Variants in ARHGEF37 observed in about 807,000 individuals in gnomAD.
The protein encoded by ARHGEF37 is Rho guanine nucleotide exchange factor (GEF) 37.
Under a neutral mutation model 71.1 loss-of-function variants are expected in ARHGEF37, and 55 were observed. The ratio of observed to expected loss-of-function variants is 0.77; its 90% CI spans 0.62 to 0.97. ARHGEF37 has a LOEUF of 0.97. Ranked by LOEUF, ARHGEF37 falls within the 50% of genes least tolerant of loss-of-function variation. The pLI, the probability that ARHGEF37 is intolerant of heterozygous loss-of-function variation, is 0.00. For missense variants in ARHGEF37, 765 were observed against 836.8 expected (o/e 0.91, Z 1.06); for synonymous variants, 327 against 350.6 (o/e 0.93, Z 0.75).
In ARHGEF37 at chr5:149,624,135, A is replaced by G; in HGVS notation, c.1459A>G (p.Thr487Ala). The G allele has an allele frequency of 6.2e-7, 1 of 1,607,532 alleles. No individual in the cohort carries two copies. Among genetic ancestry groups the G allele is most frequent in the South Asian group, 1.1e-5 (1 of 90,706 alleles). Residue 487 changes from threonine (T) to alanine (A), a missense_variant, in exon 10 of 13, where the codon ACA (threonine) becomes GCA (alanine). Physicochemically the swap from Thr to Ala is moderately conservative, Grantham distance 58 (BLOSUM62 0). This residue lies in a region of ARHGEF37 where 390 missense variants were observed against 407.4 expected (regional missense o/e 0.96). Transcript: ENST00000333677. ...TGAGAAAGTGCAGCCACCTCCCACCACACAAGTAAGCATCCTTCCTCCACC... is the reference window on the plus strand; with the variant it reads ...TGAGAAAGTGCAGCCACCTCCCACCGCACAAGTAAGCATCCTTCCTCCACC... Reference protein sequence around the residue: ...TFEKVQPPPTTQPLLPGSERQ... With the variant: ...TFEKVQPPPTAQPLLPGSERQ...
At chr5:149,606,312 G>C (rs899736024) in intron 3 of ARHGEF37, among the ~76,000 whole-genome samples, 8 of 152,186 alleles carry the variant, frequency 5.3e-5, no homozygotes, top group African/African-American at 1.9e-4. Context: ...TGGCTCTAGG[G>C]GCTTCTCCTG....
chr5:149,618,437 GA>G, intron 6 of ARHGEF37, 131 bp downstream of exon 6: 9 of 1,394,856 alleles, frequency 6.5e-6, no homozygotes, highest in Non-Finnish European at 8.7e-6. Context: ...GAGGTGCTGG[GA>G]AGAGGCAGAG....
chr5:149,574,739 T>TTG (rs1763007386), intron 1 of ARHGEF37, among the ~76,000 whole-genome samples: 1 of 152,218 alleles, frequency 6.6e-6, no homozygotes, highest in South Asian at 2.1e-4. Context: ...ATCGTCCACC[T>TTG]GACTATCCAA....
upstream of ARHGEF37, among the ~76,000 whole-genome samples, chr5:149,551,791 G>A (rs1762672397): frequency 6.6e-6 from 1 of 152,236 alleles, no homozygotes; most frequent in African/African-American, 2.4e-5. Context: ...GTATTGACCT[G>A]TGCTCTTTGA....
At chr5:149,629,110 GC>G in intron 12 of ARHGEF37, 144 bp downstream of exon 12, 1 of 1,120,660 alleles carries the variant, frequency 8.9e-7, no homozygotes, top group Non-Finnish European at 1.2e-6. Flanking sequence ...CAATGGCCAT[GC>G]CAGTGTCCCA....
At chr5:149,615,740 A>G (rs1752358615) in intron 4 of ARHGEF37, among the ~76,000 whole-genome samples, 1 of 152,050 alleles carries the variant, frequency 6.6e-6, no homozygotes, top group African/African-American at 2.4e-5. Flanking sequence ...AAATAAAAAA[A>G]AATCAGCTGG....
intron 3 of ARHGEF37, among the ~76,000 whole-genome samples, chr5:149,605,862 C>A (rs1763900262): frequency 6.6e-6 from 1 of 152,178 alleles, no homozygotes; most frequent in Non-Finnish European, 1.5e-5. Context: ...TCTTCTAGAG[C>A]CCTAGGTCTT....
chr5:149,598,765 GAT>G (rs70973532), intron 2 of ARHGEF37, among the ~76,000 whole-genome samples: 1 of 140,228 alleles, frequency 7.1e-6, no homozygotes, highest in Admixed American at 7.0e-5. Context: ...TATAGATATA[GAT>G]ATAGATATAG....
intron 3 of ARHGEF37, among the ~76,000 whole-genome samples, chr5:149,605,446 A>G (rs1301914777): frequency 6.6e-6 from 1 of 152,184 alleles, no homozygotes; most frequent in African/African-American, 2.4e-5. Context: ...TTTGAAATCC[A>G]GTATCTTTTA....
intron 12 of ARHGEF37, among the ~76,000 whole-genome samples, chr5:149,631,123 TC>T (rs1752866562): frequency 6.6e-6 from 1 of 150,664 alleles, no homozygotes; most frequent in Non-Finnish European, 1.5e-5. Context: ...TATTTTTCTT[TC>T]TTTCTTTCTT....
Position 149,621,744 on chromosome 5 carries a change from A to C in ARHGEF37, c.1017A>C (p.Leu339=). The stretch of plus-strand genomic sequence containing the variant: ...ATGTCTCCCCACAGAAGCAACGGCT[A>C]GAAGGCCTGGTGTGGCAGCCACTGT... ...LEAFLKFKQR[L]EGLVWQPLCS... The change falls in exon 9 of 13, where the codon CTA becomes CTC. Residue 339 remains leucine, a synonymous_variant. Transcript: ENST00000333677. The C allele has an allele frequency of 6.2e-7, 1 of 1,611,438 alleles. No homozygotes were observed. The highest frequency in any genetic ancestry group is 8.5e-7 in the Non-Finnish European group (1 of 1,178,158).
At chr5:149,569,999 T>C (rs557100256) in intron 1 of ARHGEF37, among the ~76,000 whole-genome samples, 4 of 152,190 alleles carry the variant, frequency 2.6e-5, no homozygotes, top group Non-Finnish European at 5.9e-5. Context: ...GTTTTTAGTA[T>C]TTTTCATGTT....
chr5:149,591,242 G>C (rs1390514577), intron 1 of ARHGEF37, among the ~76,000 whole-genome samples: 1 of 145,026 alleles, frequency 6.9e-6, no homozygotes, highest in Non-Finnish European at 1.5e-5. Flanking sequence ...AAAAAAAAAA[G>C]TTGAATGTTC....
At chr5:149,630,615 C>G (rs11958474) in intron 12 of ARHGEF37, among the ~76,000 whole-genome samples, 12,108 of 152,180 alleles carry the variant, frequency 0.08, 498 homozygotes, top group South Asian at 0.11. Context: ...CAGAGCCCCA[C>G]GGGAGGGCCT....
chr5:149,616,540 C>T (rs1326366385), intron 4 of ARHGEF37, 27 bp from the exon 5 acceptor site: 2 of 1,576,068 alleles, frequency 1.3e-6, no homozygotes, highest in Admixed American at 1.7e-5. Flanking sequence ...TGGGATTTAC[C>T]TGCCTAATAC....
At chr5:149,630,604 C>G (rs1222777049) in intron 12 of ARHGEF37, among the ~76,000 whole-genome samples, 1 of 152,202 alleles carries the variant, frequency 6.6e-6, no homozygotes, top group African/African-American at 2.4e-5. Context: ...AAAGCACCCA[C>G]CAGAGCCCCA....
Position 149,597,858 on chromosome 5 carries a change from A to C in ARHGEF37, c.89A>C (p.His30Pro). The C allele has an allele frequency of 6.2e-7, 1 of 1,610,362 alleles. No homozygotes were observed. Among genetic ancestry groups the C allele is most frequent in the South Asian group, 1.1e-5 (1 of 90,214 alleles). Residue 30 changes from histidine (H) to proline (P), a missense_variant, in exon 2 of 13, where the codon CAT becomes CCT. Around this residue, in one of 5 missense-constraint regions of ARHGEF37, gnomAD observed 201 missense variants for 217.5 expected, o/e 0.92. Transcript: ENST00000333677. The stretch of plus-strand genomic sequence containing the variant: ...GCCTCTGAGGACAGATCGCTGCTTC[A>C]TCAGAGGCTGGCTGTCCGGGAGCTC... Reference protein sequence around the residue: ...GRASEDRSLLHQRLAVRELID... With the variant: ...GRASEDRSLLPQRLAVRELID...
At chr5:149,554,002 T>C (rs1762718515) in intron 1 of ARHGEF37, among the ~76,000 whole-genome samples, 1 of 151,968 alleles carries the variant, frequency 6.6e-6, no homozygotes, top group South Asian at 2.1e-4. Context: ...ACCCTGTCTC[T>C]ACTAAAAACA....
At chr5:149,616,913 C>A in intron 5 of ARHGEF37, 147 bp downstream of exon 5, 1 of 797,880 alleles carries the variant, frequency 1.3e-6, no homozygotes, top group Non-Finnish European at 1.9e-6. Context: ...AGGTAGGGTT[C>A]GATCAGGGTG....
Sources: gnomAD v4.1 joint callset for allele counts (sites outside exome capture counted in the v4.1 genomes callset) on GRCh38, gnomAD v4.1.1 for gene constraint, gnomAD v4.1.1 regional missense constraint, MANE v1.5 for transcripts, NCBI Gene and HGNC (gene_info 2026-07-23, HGNC 2026-07-21) for gene names.